Variants in PLPP3 observed in about 807,000 individuals in gnomAD.
The protein encoded by PLPP3 is phospholipid phosphatase 3.
A neutral mutation model predicts 29.6 loss-of-function variants in PLPP3; 6 were observed. That is an observed-to-expected ratio of 0.20 (90% CI 0.11 to 0.40). The LOEUF (loss-of-function observed/expected upper bound fraction) is 0.40, where lower values mean the gene tolerates loss of function less well. Ranked by LOEUF, PLPP3 falls within the 10% of genes least tolerant of loss-of-function variation. The pLI, the probability that PLPP3 is intolerant of heterozygous loss-of-function variation, is 1.00. For missense variants in PLPP3, 308 were observed against 407.7 expected, an observed-to-expected ratio of 0.76 and a Z score of 2.11; for synonymous variants, 152 against 159.7, an observed-to-expected ratio of 0.95 and a Z score of 0.36.
chr1:56,575,194 GA>G (rs879642769), intron 1 of PLPP3, among the ~76,000 whole-genome samples: 12 of 152,164 alleles, frequency 7.9e-5, no homozygotes, highest in Admixed American at 6.5e-4. Flanking sequence ...TTTGCAGGTG[GA>G]AAAAAACTGA....
intron 5 of PLPP3, among the ~76,000 whole-genome samples, chr1:56,499,073 T>TTC (rs1645648366): frequency 2.8e-5 from 3 of 106,574 alleles, no homozygotes; most frequent in Admixed American, 9.8e-5. Flanking sequence ...AGCTCCCCCG[T>TTC]CCCCCCCCCC....
intron 5 of PLPP3, among the ~76,000 whole-genome samples, chr1:56,507,889 T>A (rs1219759158): frequency 6.6e-6 from 1 of 152,162 alleles, no homozygotes; most frequent in Non-Finnish European, 1.5e-5. Flanking sequence ...GAAGATTCTA[T>A]GCTGCTAGCT....
intron 1 of PLPP3, among the ~76,000 whole-genome samples, chr1:56,568,664 C>T (rs1285922940): frequency 2.0e-5 from 3 of 152,254 alleles, no homozygotes; most frequent in Admixed American, 6.5e-5. Flanking sequence ...CTCGCTCTGT[C>T]GCCCAGGCTG....
At chr1:56,531,392 G>T (rs1645887476) in intron 2 of PLPP3, among the ~76,000 whole-genome samples, 1 of 152,132 alleles carries the variant, frequency 6.6e-6, no homozygotes, top group African/African-American at 2.4e-5. Context: ...AAGATCCAAA[G>T]GCAAGATCTG....
chr1:56,530,867 C>T (rs1454538831), intron 2 of PLPP3, among the ~76,000 whole-genome samples: 2 of 152,182 alleles, frequency 1.3e-5, no homozygotes, highest in African/African-American at 4.8e-5. Flanking sequence ...CCTGAAAACA[C>T]TTCATTGTTT....
chr1:56,563,851 T>C (rs1406935217), intron 1 of PLPP3, among the ~76,000 whole-genome samples: 1 of 152,198 alleles, frequency 6.6e-6, no homozygotes, highest in Non-Finnish European at 1.5e-5. Flanking sequence ...CTGCCACATA[T>C]TAAGTATTCA....
intron 1 of PLPP3, 145 bp downstream of exon 1, chr1:56,578,733 C>T: frequency 5.5e-6 from 5 of 901,758 alleles, no homozygotes; most frequent in Non-Finnish European, 7.2e-6. Context: ...GCCTGGGCGG[C>T]GCAAAGGCTC....
intron 1 of PLPP3, among the ~76,000 whole-genome samples, chr1:56,542,517 C>A (rs140063972): frequency 2.6e-4 from 40 of 152,208 alleles, no homozygotes; most frequent in Admixed American, 6.5e-4. Flanking sequence ...CTTCTACATA[C>A]CAGGTCCTTC....
chr1:56,572,408 T>A (rs556220203), intron 1 of PLPP3, among the ~76,000 whole-genome samples: 21 of 152,142 alleles, frequency 1.4e-4, no homozygotes, highest in Non-Finnish European at 3.1e-4. Flanking sequence ...ATGACCCAAG[T>A]GAGAGTTGAC....
intron 4 of PLPP3, among the ~76,000 whole-genome samples, chr1:56,517,746 C>T (rs528185833): frequency 3.3e-5 from 5 of 152,206 alleles, no homozygotes; most frequent in Non-Finnish European, 5.9e-5. Flanking sequence ...AGAAAAGAGG[C>T]AGTTTGAGGG....
intron 1 of PLPP3, among the ~76,000 whole-genome samples, chr1:56,570,507 C>T (rs1181137508): frequency 2.0e-5 from 3 of 152,140 alleles, no homozygotes; most frequent in Non-Finnish European, 2.9e-5. Flanking sequence ...GTCTGAAGTG[C>T]GTTGTTTTGT....
intron 5 of PLPP3, among the ~76,000 whole-genome samples, chr1:56,505,688 G>T (rs971665670): frequency 6.6e-6 from 1 of 151,910 alleles, no homozygotes; most frequent in Non-Finnish European, 1.5e-5. Flanking sequence ...TTACTTTATT[G>T]TAAGAATACT....
chr1:56,524,806 ATGTGTG>A lies in PLPP3; in HGVS notation c.298-258_298-253del, dbSNP rs3835682. On this transcript the variant is annotated intron_variant, in intron 2 of 5. Transcript: ENST00000371250. This position sits in a 1 kb window ranked among gnomAD's most constrained non-coding sequence, Gnocchi z 4.3. ...AATATATTTATATGTATATATGTGT[ATGTGTG>A]TGTGTGTGTGTGTGTGTGTGTATCT... Among the ~76,000 whole-genome samples, 15,579 of 148,210 alleles carry A rather than the reference ATGTGTG, an allele frequency of 0.11. 921 individuals carry two copies. The highest frequency in any genetic ancestry group is 0.15 in the Middle Eastern group (43 of 290).
At chr1:56,557,380 AG>A (rs1401718095) in intron 1 of PLPP3, among the ~76,000 whole-genome samples, 2 of 151,332 alleles carry the variant, frequency 1.3e-5, no homozygotes, top group Admixed American at 6.6e-5. Context: ...CCTTCTCAAA[AG>A]AAAAAGGAAA....
intron 1 of PLPP3, among the ~76,000 whole-genome samples, chr1:56,542,344 C>A (rs1451970639): frequency 6.6e-6 from 1 of 152,194 alleles, no homozygotes; most frequent in Non-Finnish European, 1.5e-5. Context: ...CTGCTCCCTG[C>A]AGCCACAGTT....
At chr1:56,528,744 C>T (rs955480742) in intron 2 of PLPP3, among the ~76,000 whole-genome samples, 4 of 151,008 alleles carry the variant, frequency 2.6e-5, no homozygotes, top group Non-Finnish European at 5.9e-5. Flanking sequence ...TGGACGATAC[C>T]ATACCTAAAT....
chr1:56,577,297 G>A (rs1014737239), intron 1 of PLPP3, among the ~76,000 whole-genome samples: 3 of 152,192 alleles, frequency 2.0e-5, no homozygotes, highest in African/African-American at 7.2e-5. Flanking sequence ...GCTGCCTTCA[G>A]GAAGGTAGGC....
chr1:56,578,758 G>C (rs970340965), intron 1 of PLPP3, 120 bp downstream of exon 1: 4 of 1,112,184 alleles, frequency 3.6e-6, no homozygotes, highest in Admixed American at 4.5e-5. Flanking sequence ...GGAAGGCTGC[G>C]GGGGCCCCCC....
chr1:56,496,354 T>TA lies in PLPP3; in HGVS notation c.*196dup, dbSNP rs1349760226. On this transcript the variant is annotated 3_prime_UTR_variant, in exon 6 of 6. Transcript: ENST00000371250. The stretch of plus-strand genomic sequence containing the variant: ...CATCCAGGACTCTGGCACTTGGTGT[T>TA]AGTTTGCTGTTGTTTCCACATAGGC... The TA allele has an allele frequency of 2.4e-4, 130 of 535,472 alleles. No homozygotes were observed. Among genetic ancestry groups the TA allele is most frequent in the Admixed American group, 3.6e-4 (11 of 30,224 alleles). 33.2% of individuals were successfully genotyped at this position (535,472 alleles called of 1,614,324 possible).
Sources: gnomAD v4.1 joint callset for allele counts (sites outside exome capture counted in the v4.1 genomes callset) on GRCh38, gnomAD v4.1.1 for gene constraint, Gnocchi (gnomAD v3.1) non-coding constraint, MANE v1.5 for transcripts, NCBI Gene and HGNC (gene_info 2026-07-23, HGNC 2026-07-21) for gene names.